Variants in ATG4C observed in about 807,000 individuals in gnomAD.
The protein encoded by ATG4C is autophagy related 4C cysteine peptidase.
ATG4C carries 56 observed loss-of-function variants against 57.6 expected under a neutral mutation model. That is an observed-to-expected ratio of 0.97 (90% CI 0.78 to 1.21). The LOEUF (loss-of-function observed/expected upper bound fraction) is 1.21, where lower values mean the gene tolerates loss of function less well. ATG4C is among the 50% of genes most tolerant of loss of function. ATG4C has a pLI of 0.00. For missense variants in ATG4C, 595 were observed against 529.8 expected (o/e 1.12, Z -1.21); for synonymous variants, 157 against 174.1 (o/e 0.90, Z 0.78).
intron 8 of ATG4C, 44 bp downstream of exon 8, chr1:62,834,160 A>G: frequency 6.4e-7 from 1 of 1,558,604 alleles, no homozygotes; most frequent in Non-Finnish European, 8.8e-7. Flanking sequence ...TTTTCTTTTA[A>G]AAGTCAGAAA....
chr1:62,830,311 G>T (rs946848644), intron 7 of ATG4C, among the ~76,000 whole-genome samples: 12 of 152,208 alleles, frequency 7.9e-5, no homozygotes, highest in African/African-American at 2.2e-4. Flanking sequence ...TTCATCTAGA[G>T]AATCTGTTGA....
chr1:62,791,405 A>G (rs950609020), intron 1 of ATG4C, among the ~76,000 whole-genome samples: 4 of 152,208 alleles, frequency 2.6e-5, no homozygotes, highest in African/African-American at 9.7e-5. Context: ...GGTCTTATCC[A>G]TTGTCGTAGT....
intron 1 of ATG4C, among the ~76,000 whole-genome samples, chr1:62,788,384 C>T (rs1479264281): frequency 6.6e-6 from 1 of 151,774 alleles, no homozygotes; most frequent in Non-Finnish European, 1.5e-5. Flanking sequence ...GCCTCTTTTG[C>T]TCTCATTCCT....
At chr1:62,860,202 C>A (rs1000018508) in intron 10 of ATG4C, among the ~76,000 whole-genome samples, 1 of 152,186 alleles carries the variant, frequency 6.6e-6, no homozygotes, top group African/African-American at 2.4e-5. Context: ...TGGTAACACA[C>A]ATGCAGCTGT....
chr1:62,787,899 G>A (rs1269435847), intron 1 of ATG4C, among the ~76,000 whole-genome samples: 4 of 151,976 alleles, frequency 2.6e-5, no homozygotes, highest in Non-Finnish European at 5.9e-5. Flanking sequence ...CTTGACTCCT[G>A]TGACACCATT....
chr1:62,801,715 T>C (rs1221052379), intron 1 of ATG4C, among the ~76,000 whole-genome samples: 3 of 151,190 alleles, frequency 2.0e-5, no homozygotes, highest in African/African-American at 7.3e-5. Context: ...TCCCAGCACT[T>C]TGGGAGGCCG....
At chr1:62,818,127 A>C (rs1665345270) in intron 4 of ATG4C, among the ~76,000 whole-genome samples, 1 of 152,152 alleles carries the variant, frequency 6.6e-6, no homozygotes, top group South Asian at 2.1e-4. Flanking sequence ...CTTGTTATTC[A>C]AAACAGTGAC....
chr1:62,809,513 TATA>T (rs929953294), intron 3 of ATG4C, among the ~76,000 whole-genome samples: 32 of 147,110 alleles, frequency 2.2e-4, no homozygotes, highest in African/African-American at 7.6e-4. Context: ...AGTCTACAAT[TATA>T]ATTATATAAT....
Position 62,845,347 on chromosome 1 carries a change from G to A in ATG4C, c.1209+3800G>A, listed in dbSNP as rs867274972. 1.1e-4 allele frequency among the ~76,000 whole-genome samples: 17 copies of A among 152,056 alleles called. No individual in the cohort carries two copies. In the South Asian group the frequency reaches 3.5e-3, roughly 32 times the overall value. On this transcript the variant is annotated intron_variant, in intron 10 of 10. Transcript: ENST00000317868. Reference sequence around the variant, plus strand: ...TTTATATTTCCCTGATTGATACTAAGGTTGAATATTTAATCAAAGTTTATT... The same window carrying A: ...TTTATATTTCCCTGATTGATACTAAAGTTGAATATTTAATCAAAGTTTATT...
intron 1 of ATG4C, among the ~76,000 whole-genome samples, chr1:62,790,646 A>C (rs1664246031): frequency 6.6e-6 from 1 of 152,042 alleles, no homozygotes; most frequent in Admixed American, 6.6e-5. Context: ...AAAACTACTA[A>C]AGTGACATAA....
At chr1:62,851,620 A>G (rs1390267992) in intron 10 of ATG4C, among the ~76,000 whole-genome samples, 1 of 152,210 alleles carries the variant, frequency 6.6e-6, no homozygotes, top group Non-Finnish European at 1.5e-5. Context: ...CTTACAATAA[A>G]GACTTAAATA....
At chr1:62,861,256 G>A (rs985036225) in intron 10 of ATG4C, among the ~76,000 whole-genome samples, 2 of 151,984 alleles carry the variant, frequency 1.3e-5, no homozygotes, top group African/African-American at 2.4e-5. Context: ...TAGAAAGTTC[G>A]AAAAATAGGC....
At chr1:62,846,201 C>G (rs550909158) in intron 10 of ATG4C, among the ~76,000 whole-genome samples, 142 of 152,330 alleles carry the variant, frequency 9.3e-4, no homozygotes, top group African/African-American at 3.2e-3. Context: ...AGAGTTCATT[C>G]TACTTGTCAT....
intron 1 of ATG4C, among the ~76,000 whole-genome samples, chr1:62,800,893 T>C (rs1264248167): frequency 1.3e-5 from 2 of 152,156 alleles, no homozygotes; most frequent in Non-Finnish European, 2.9e-5. Context: ...GTTTAAAGTT[T>C]AGAGAGGGCA....
chr1:62,836,192 G>A (rs1665993609), intron 9 of ATG4C, among the ~76,000 whole-genome samples: 2 of 152,064 alleles, frequency 1.3e-5, no homozygotes, highest in Non-Finnish European at 2.9e-5. Context: ...TTGGGAGACT[G>A]TTGCAACACT....
chr1:62,827,686 G>A (rs948492773), intron 6 of ATG4C, among the ~76,000 whole-genome samples: 3 of 152,048 alleles, frequency 2.0e-5, no homozygotes, highest in African/African-American at 7.2e-5. Context: ...AGGTTCAGGG[G>A]TACATGTGGT....
chr1:62,826,933 C>G (rs1362832206), intron 6 of ATG4C, among the ~76,000 whole-genome samples: 2 of 152,152 alleles, frequency 1.3e-5, no homozygotes, highest in Non-Finnish European at 2.9e-5. Context: ...TAACTGTTCT[C>G]TGTGCTTTAG....
intron 6 of ATG4C, among the ~76,000 whole-genome samples, chr1:62,826,772 G>A: frequency 7.8e-6 from 1 of 128,624 alleles, no homozygotes; most frequent in African/African-American, 3.1e-5. Context: ...GCCCTGGTGT[G>A]TGATGTTCCC....
chr1:62,827,623 A>C (rs1665705643), intron 6 of ATG4C, among the ~76,000 whole-genome samples: 1 of 152,176 alleles, frequency 6.6e-6, no homozygotes, highest in African/African-American at 2.4e-5. Context: ...GCTATCAATA[A>C]GTATCTATTG....
Sources: gnomAD v4.1 joint callset for allele counts (sites outside exome capture counted in the v4.1 genomes callset) on GRCh38, gnomAD v4.1.1 for gene constraint, MANE v1.5 for transcripts, NCBI Gene and HGNC (gene_info 2026-07-23, HGNC 2026-07-21) for gene names.